The following C10orf90 variants were observed in gnomAD, a reference collection of about 807,000 sequenced individuals.
The protein encoded by C10orf90 is (E2-independent) E3 ubiquitin-conjugating enzyme FATS.
In C10orf90, 56 loss-of-function variants were observed where a neutral mutation model predicts 62.5. That is an observed-to-expected ratio of 0.90 (90% CI 0.72 to 1.12). C10orf90 has a LOEUF of 1.12. C10orf90 is among the 50% of genes most tolerant of loss of function. The pLI is 0.00. For synonymous variants in C10orf90, 386 were observed against 340.4 expected, an observed-to-expected ratio of 1.13 and a Z score of -1.47; for missense variants, 970 against 880.4, an observed-to-expected ratio of 1.10 and a Z score of -1.29.
intron 7 of C10orf90, among the ~76,000 whole-genome samples, chr10:126,455,548 G>A (rs1859495821): frequency 6.6e-6 from 1 of 152,228 alleles, no homozygotes; most frequent in Non-Finnish European, 1.5e-5. Context: ...GTACGCTGAA[G>A]AGATGGACAA....
intron 7 of C10orf90, among the ~76,000 whole-genome samples, chr10:126,454,034 C>T (rs1212366476): frequency 6.6e-6 from 1 of 152,044 alleles, no homozygotes. Flanking sequence ...AAGGAGATAA[C>T]CAGGGCCAGG....
At chr10:126,585,812 C>A (rs1844859141) in intron 2 of C10orf90, among the ~76,000 whole-genome samples, 1 of 152,162 alleles carries the variant, frequency 6.6e-6, no homozygotes, top group Admixed American at 6.5e-5. Flanking sequence ...CACTGGTTCT[C>A]CAAGTGGAGT....
intron 2 of C10orf90, among the ~76,000 whole-genome samples, chr10:126,586,031 C>T (rs896024724): frequency 6.6e-6 from 1 of 152,144 alleles, no homozygotes; most frequent in African/African-American, 2.4e-5. Context: ...CTATAAAAAC[C>T]AAGGCAACTC....
intron 2 of C10orf90, among the ~76,000 whole-genome samples, chr10:126,579,073 A>ATTTT (rs1564880097): frequency 5.6e-4 from 83 of 148,952 alleles, no homozygotes; most frequent in African/African-American, 2.0e-3. Flanking sequence ...TTTTTTTTTA[A>ATTTT]AAAAAAAAAC....
intron 4 of C10orf90, among the ~76,000 whole-genome samples, chr10:126,466,777 C>T (rs1003813523): frequency 6.6e-6 from 1 of 152,194 alleles, no homozygotes; most frequent in African/African-American, 2.4e-5. Context: ...GTGTTGGATA[C>T]ATAGAAAGTA....
At chr10:126,648,598 A>C (rs895565232) in intron 1 of C10orf90, among the ~76,000 whole-genome samples, 4 of 152,264 alleles carry the variant, frequency 2.6e-5, no homozygotes, top group African/African-American at 4.8e-5. Flanking sequence ...ATGCATAAAA[A>C]CTTTCAGGGA....
At chr10:126,639,094 C>T (rs567545650) in intron 2 of C10orf90, among the ~76,000 whole-genome samples, 4 of 152,314 alleles carry the variant, frequency 2.6e-5, no homozygotes, top group Non-Finnish European at 5.9e-5. Flanking sequence ...CTCCAAAAGA[C>T]CGTGAGTGGT....
At chr10:126,600,366 T>G (rs556049781) in intron 2 of C10orf90, among the ~76,000 whole-genome samples, 32 of 152,228 alleles carry the variant, frequency 2.1e-4, no homozygotes, top group South Asian at 1.7e-3. Flanking sequence ...CTTGTGGCCA[T>G]TGGATGAAAA....
intron 2 of C10orf90, among the ~76,000 whole-genome samples, chr10:126,554,262 C>G (rs1409780860): frequency 6.6e-6 from 1 of 152,062 alleles, no homozygotes; most frequent in African/African-American, 2.4e-5. Context: ...GCAAAAGAAG[C>G]CAGACCCCAG....
intron 2 of C10orf90, among the ~76,000 whole-genome samples, chr10:126,614,180 C>A (rs1013175227): frequency 6.6e-6 from 1 of 152,114 alleles, no homozygotes; most frequent in African/African-American, 2.4e-5. Flanking sequence ...CAGAGTGAAA[C>A]CTTAAAGGTC....
chr10:126,454,122 C>G (rs189244510), intron 7 of C10orf90, among the ~76,000 whole-genome samples: 1 of 152,040 alleles, frequency 6.6e-6, no homozygotes, highest in African/African-American at 2.4e-5. Flanking sequence ...ACTGACTGAG[C>G]ACCTGCAATC....
chr10:126,631,769 G>A (rs572110692), intron 2 of C10orf90, among the ~76,000 whole-genome samples: 20 of 151,914 alleles, frequency 1.3e-4, no homozygotes, highest in African/African-American at 4.1e-4. Context: ...TTGAGGACAG[G>A]CAGCATAAAC....
intron 2 of C10orf90, among the ~76,000 whole-genome samples, chr10:126,534,153 G>T (rs11245021): frequency 1.3e-5 from 2 of 152,168 alleles, no homozygotes; most frequent in Admixed American, 1.3e-4. Flanking sequence ...AATGAGATCA[G>T]CTTTCCTCGA....
chr10:126,644,042 C>T (rs368099888), intron 2 of C10orf90, among the ~76,000 whole-genome samples: 4 of 152,188 alleles, frequency 2.6e-5, no homozygotes, highest in African/African-American at 9.7e-5. Context: ...CACCCTTGGC[C>T]TGTTTTAAGC....
At chr10:126,661,861 C>A (rs909127064) in intron 1 of C10orf90, among the ~76,000 whole-genome samples, 6 of 151,962 alleles carry the variant, frequency 3.9e-5, no homozygotes, top group African/African-American at 1.4e-4. Context: ...TTTCTTAAAT[C>A]CTTGAATTTA....
intron 2 of C10orf90, among the ~76,000 whole-genome samples, chr10:126,537,153 T>C (rs1414477813): frequency 6.6e-6 from 1 of 152,168 alleles, no homozygotes; most frequent in African/African-American, 2.4e-5. Flanking sequence ...ATCACCCTGA[T>C]GCCCTTACAC....
rs963608924 is a variant in C10orf90 at position 126,670,362 on chromosome 10, T to C, written c.119A>G (p.His40Arg). The change falls in exon 1 of 10, where the codon CAT becomes CGT. Residue 40 changes from histidine to arginine, a missense_variant. By Grantham distance (29) the His-to-Arg change is conservative. Coordinates refer to ENST00000488181, the MANE Select transcript of C10orf90 (RefSeq NM_001350921.2). ...IKTFSTELKN[H>R]VMVMDFVKSN... ...CTTCACAAAATCCATGACCATCACA[T>C]GGTTTTTCAACTCTGTACTAAATGT... 4.4e-6 allele frequency: 2 copies of C among 456,616 alleles called. No individual in the cohort carries two copies. The highest frequency in any genetic ancestry group is 8.8e-6 in the Non-Finnish European group (2 of 226,984). 28.3% of individuals were successfully genotyped at this position (456,616 alleles called of 1,614,324 possible). A position where few individuals can be genotyped will look rare whatever the true frequency, so the allele number is the denominator to read the frequency against.
rs764404138 is a variant in C10orf90, at chr10:126,504,780, G to C, written c.711C>G (p.Ile237Met). The C allele has an allele frequency of 6.3e-7, 1 of 1,585,280 alleles. No homozygotes were observed. Among genetic ancestry groups the C allele is most frequent in the Non-Finnish European group, 8.6e-7 (1 of 1,165,374 alleles). Residue 237 changes from isoleucine (I) to methionine (M), a missense_variant, in exon 4 of 10, where the codon ATC becomes ATG. Transcript: ENST00000488181. The surrounding 1 kb of genome is among the most constrained non-coding windows in gnomAD (Gnocchi z 4.1). The stretch of plus-strand genomic sequence containing the variant: ...GGCCCACGCGTCTGGCCGTGATGGT[G>C]ATGGATGCAAACCCTCTGCGGGGGC... ...CGGPRRGFAS[I>M]TITARRVGPP...
At chr10:126,576,758 A>T (rs1224662677) in intron 2 of C10orf90, among the ~76,000 whole-genome samples, 4 of 75,904 alleles carry the variant, frequency 5.3e-5, no homozygotes, top group Non-Finnish European at 7.9e-5. Flanking sequence ...ACATATAGAT[A>T]ATATGTATAT....
Sources: gnomAD v4.1 joint callset for allele counts (sites outside exome capture counted in the v4.1 genomes callset) on GRCh38, gnomAD v4.1.1 for gene constraint, Gnocchi (gnomAD v3.1) non-coding constraint, MANE v1.5 for transcripts, NCBI Gene and HGNC (gene_info 2026-07-23, HGNC 2026-07-21) for gene names.